Variants in PHF2 observed in about 807,000 individuals in gnomAD.
The protein encoded by PHF2 is lysine-specific demethylase PHF2.
A neutral mutation model predicts 120.5 loss-of-function variants in PHF2; 27 were observed. The observed-to-expected ratio is 0.22, with a 90% CI of 0.17 to 0.31. The LOEUF is 0.31. Ranked by LOEUF, PHF2 falls within the 10% of genes least tolerant of loss-of-function variation. The pLI is 1.00. For synonymous variants in PHF2, 568 were observed against 592.5 expected (o/e 0.96, Z 0.60); for missense variants, 1,024 against 1,434.8 (o/e 0.71, Z 4.63).
intron 1 of PHF2, among the ~76,000 whole-genome samples, chr9:93,600,318 TC>T (rs944251338): frequency 2.0e-5 from 3 of 152,132 alleles, no homozygotes; most frequent in African/African-American, 7.2e-5. Context: ...ACCTCACATT[TC>T]TTCCAAGGGG....
At chr9:93,583,163 C>A (rs1341556199) in intron 1 of PHF2, among the ~76,000 whole-genome samples, 1 of 152,210 alleles carries the variant, frequency 6.6e-6, no homozygotes, top group Non-Finnish European at 1.5e-5. Flanking sequence ...TAGAATCATA[C>A]AATATGTAAC....
chr9:93,655,249 A>C (rs376671494), intron 7 of PHF2, among the ~76,000 whole-genome samples: 4 of 150,936 alleles, frequency 2.7e-5, no homozygotes, highest in East Asian at 3.9e-4. Flanking sequence ...ATTGGTGTTC[A>C]GATTTTTAAA....
chr9:93,663,776 CCA>C (rs1826624654), intron 14 of PHF2, 141 bp downstream of exon 14: 1 of 559,972 alleles, frequency 1.8e-6, no homozygotes, highest in South Asian at 2.0e-5. Context: ...CTCACACACA[CCA>C]CACACTGCAT....
In PHF2 at chr9:93,656,339, C is replaced by T. The variant is rs746588665; in HGVS notation, c.1041-150C>T. On this transcript the variant is annotated intron_variant, in intron 8 of 21. Transcript: ENST00000359246. The surrounding 1 kb of genome is among the most constrained non-coding windows in gnomAD (Gnocchi z 4.1). ...GAACTCTCATGGGCCCCGAGGTCTG[C>T]AGCCACCAGGGCAGTTTTCCCCTGG... is the stretch of plus-strand genomic sequence containing the variant. The T allele has an allele frequency of 1.2e-5, 8 of 648,186 alleles. No individual in the cohort carries two copies. The highest frequency in any genetic ancestry group is 1.9e-5 in the Non-Finnish European group (7 of 367,184). 40.2% of individuals were successfully genotyped at this position (648,186 alleles called of 1,614,324 possible).
At chr9:93,646,514 C>T (rs550849503) in intron 4 of PHF2, among the ~76,000 whole-genome samples, 1 of 152,208 alleles carries the variant, frequency 6.6e-6, no homozygotes, top group South Asian at 2.1e-4. Flanking sequence ...GGCAAACCCC[C>T]AGGACAGAAG....
At position 93,660,342 on chromosome 9, in the gene PHF2, C is replaced by G. The variant is rs767267883; in HGVS notation, c.1480C>G (p.Pro494Ala). The change falls in exon 12 of 22, where the codon CCC becomes GCC. Residue 494 changes from proline (P) to alanine (A), a missense_variant. By Grantham distance (27) the Pro-to-Ala change is conservative. Transcript: ENST00000359246. The part of the protein sequence containing the change: ...LLEKVSKKKT[P>A]KTVKMPKPSK... ...GGAGAAAGTGTCCAAAAAAAAGACT[C>G]CCAAAACTGTGAAGATGCCCAAGCC... 8 of 1,605,754 alleles carry G rather than the reference C, an allele frequency of 5.0e-6. No individual in the cohort carries two copies. Among genetic ancestry groups the G allele is most frequent in the Admixed American group, 1.7e-5 (1 of 59,190 alleles).
Position 93,656,667 on chromosome 9 carries a change from G to A in PHF2, c.1147+72G>A. ...GTGGGGGCAGCCAGACCTGGTCAGG[G>A]CTGACTGTCTGGGTGTGAGTGCCGC... On this transcript the variant is annotated intron_variant, in intron 9 of 21. Transcript: ENST00000359246. The surrounding 1 kb of genome is among the most constrained non-coding windows in gnomAD (Gnocchi z 4.1). 2 of 1,049,112 alleles carry A rather than the reference G, an allele frequency of 1.9e-6. No homozygotes were observed. The allele number at this position is 1,049,112 out of a possible 1,614,324, so 65.0% of individuals were successfully genotyped here.
intron 1 of PHF2, 46 bp from the exon 2 acceptor site, chr9:93,629,923 AG>A: frequency 5.7e-6 from 9 of 1,567,504 alleles, no homozygotes; most frequent in Non-Finnish European, 7.9e-6. Context: ...AAAGTGCTTG[AG>A]GGGGTGCTGA....
chr9:93,618,754 CTG>C (rs1318093161), intron 1 of PHF2, among the ~76,000 whole-genome samples: 2 of 149,362 alleles, frequency 1.3e-5, no homozygotes, highest in African/African-American at 4.9e-5. Context: ...GTGTGTATGC[CTG>C]TGTTTGTGTG....
chr9:93,602,185 T>C (rs2131617219), intron 1 of PHF2, among the ~76,000 whole-genome samples: 1 of 151,894 alleles, frequency 6.6e-6, no homozygotes, highest in East Asian at 1.9e-4. Context: ...AAATTCTTCG[T>C]TGAGTATGTA....
intron 2 of PHF2, among the ~76,000 whole-genome samples, chr9:93,635,220 C>T (rs752598696): frequency 1.3e-5 from 2 of 152,118 alleles, no homozygotes; most frequent in Non-Finnish European, 2.9e-5. Context: ...GGTCCCAGCC[C>T]CACCCAGCCC....
Position 93,660,413 on chromosome 9 carries a change from C to T in PHF2, c.1551C>T (p.Pro517=), listed in dbSNP as rs1226979402. ...KPPKPPKPPR[P]PKTLKLKDGG... ...CGAAGCCCCCTAAGCCCCCAAGGCC[C>T]CCCAAAACGCTGAAGCTCAAAGATG... Residue 517 remains proline (P), a synonymous_variant, in exon 12 of 22, where the codon CCC becomes CCT. Transcript: ENST00000359246. 3.2e-6 allele frequency: 5 copies of T among 1,547,164 alleles called. No individual in the cohort carries two copies. Among genetic ancestry groups the T allele is most frequent in the Non-Finnish European group, 4.4e-6 (5 of 1,145,962 alleles).
chr9:93,605,549 T>C (rs772011048), intron 1 of PHF2, among the ~76,000 whole-genome samples: 6 of 152,260 alleles, frequency 3.9e-5, no homozygotes, highest in Non-Finnish European at 5.9e-5. Flanking sequence ...CTGATGTTTT[T>C]ACTGTCTCCA....
At chr9:93,654,623 TCA>T (rs1405854564) in intron 7 of PHF2, 48 bp downstream of exon 7, 1 of 1,573,460 alleles carries the variant, frequency 6.4e-7, no homozygotes, top group South Asian at 1.1e-5. Context: ...TTGCCGGCCC[TCA>T]TCAAGCTTAC....
At position 93,576,707 on chromosome 9, in the gene PHF2, C is replaced by T; in HGVS notation, c.-67C>T. On this transcript the variant is annotated 5_prime_UTR_variant, in exon 1 of 22. Coordinates refer to ENST00000359246, the MANE Select transcript of PHF2 (RefSeq NM_005392.4). ...CCCGCCGCCCCCGCGCGGCCCGGCCCCCGGCCCGGCCCGGACCGACCCGGG... is the reference window on the plus strand; with the variant it reads ...CCCGCCGCCCCCGCGCGGCCCGGCCTCCGGCCCGGCCCGGACCGACCCGGG... The T allele has an allele frequency of 6.0e-6, 4 of 669,714 alleles. No homozygotes were observed. The highest frequency in any genetic ancestry group is 7.3e-6 in the Non-Finnish European group (4 of 545,844). 41.5% of individuals were successfully genotyped at this position (669,714 alleles called of 1,614,324 possible).
chr9:93,590,004 T>G (rs1863140530), intron 1 of PHF2, among the ~76,000 whole-genome samples: 2 of 152,248 alleles, frequency 1.3e-5, no homozygotes, highest in African/African-American at 4.8e-5. Context: ...CACTGCGGTG[T>G]TGCTCCCTGG....
intron 1 of PHF2, among the ~76,000 whole-genome samples, chr9:93,597,533 C>T (rs1432185084): frequency 4.7e-5 from 7 of 150,392 alleles, no homozygotes; most frequent in Admixed American, 4.0e-4. Flanking sequence ...GGGCAGGAAG[C>T]GGGGTTGGGG....
chr9:93,600,494 T>C (rs1289854477), intron 1 of PHF2, among the ~76,000 whole-genome samples: 1 of 152,188 alleles, frequency 6.6e-6, no homozygotes, highest in South Asian at 2.1e-4. Flanking sequence ...TGGGACAGCT[T>C]TGCAAGCTCT....
intron 17 of PHF2, among the ~76,000 whole-genome samples, chr9:93,668,514 G>A (rs1225951205): frequency 6.6e-6 from 1 of 152,164 alleles, no homozygotes; most frequent in African/African-American, 2.4e-5. Flanking sequence ...GGGGGTTGGG[G>A]GTGTCTGAGG....
Sources: gnomAD v4.1 joint callset for allele counts (sites outside exome capture counted in the v4.1 genomes callset) on GRCh38, gnomAD v4.1.1 for gene constraint, Gnocchi (gnomAD v3.1) non-coding constraint, MANE v1.5 for transcripts, NCBI Gene and HGNC (gene_info 2026-07-23, HGNC 2026-07-21) for gene names.